Variants in CAP1 observed in about 807,000 individuals in gnomAD.
The protein encoded by CAP1 is cyclase associated actin cytoskeleton regulatory protein 1.
A neutral mutation model predicts 58.2 loss-of-function variants in CAP1; 11 were observed. That is an observed-to-expected ratio of 0.19 (90% confidence interval 0.12 to 0.31). The LOEUF (loss-of-function observed/expected upper bound fraction) is 0.31. CAP1 is among the 10% of genes least tolerant of loss of function. The pLI, the probability that CAP1 is intolerant of heterozygous loss-of-function variation, is 1.00. For missense variants in CAP1, 423 were observed against 587.5 expected, an observed-to-expected ratio of 0.72 and a Z score of 2.89; for synonymous variants, 183 against 213.8, an observed-to-expected ratio of 0.86 and a Z score of 1.26.
In CAP1 at chr1:40,060,097, A is replaced by C. The variant is rs1326418327; in HGVS notation, c.143A>C (p.Asp48Ala). 3 of 1,613,676 alleles carry C rather than the reference A, an allele frequency of 1.9e-6. No homozygotes were observed. The highest frequency in any genetic ancestry group is 2.5e-6 in the Non-Finnish European group (3 of 1,179,840). ...AGAAPYVQAFDSLLAGPVAEY... is the reference protein window; with the variant it reads ...AGAAPYVQAFASLLAGPVAEY... ...GCAGCTCCATATGTGCAGGCATTTG[A>C]CTCGCTGCTTGCTGGTCCTGTGGCA... is the stretch of plus-strand genomic sequence containing the variant. The change falls in exon 3 of 13, where the codon GAC (aspartate) becomes GCC (alanine). Residue 48 changes from aspartate (D) to alanine (A), a missense_variant. Asp to Ala is a moderately radical substitution (Grantham distance 126). Transcript: ENST00000372805.
At chr1:40,064,096 A>C (rs1376985208) in intron 4 of CAP1, 131 bp from the exon 5 acceptor site, 6 of 776,166 alleles carry the variant, frequency 7.7e-6, no homozygotes, top group Non-Finnish European at 1.3e-5. Context: ...CTTAGGAATC[A>C]GGACAGGACT....
chr1:40,054,764 C>T (rs1183959843), intron 1 of CAP1, among the ~76,000 whole-genome samples: 3 of 152,220 alleles, frequency 2.0e-5, no homozygotes, highest in Admixed American at 6.5e-5. Flanking sequence ...GCTTCAGCCA[C>T]TGTAGTAGCT....
intron 4 of CAP1, among the ~76,000 whole-genome samples, chr1:40,062,375 A>T (rs2124370798): frequency 6.6e-6 from 1 of 152,318 alleles, no homozygotes; most frequent in African/African-American, 2.4e-5. Flanking sequence ...TAATAAAGCA[A>T]GTTGTCCTAA....
In CAP1 at chr1:40,067,588, G is replaced by A. The variant is rs776071701; in HGVS notation, c.679G>A (p.Gly227Arg). 15 of 1,609,496 alleles carry A rather than the reference G, an allele frequency of 9.3e-6. No individual in the cohort carries two copies. The highest frequency in any genetic ancestry group is 3.4e-5 in the Admixed American group (2 of 59,242). ...LSGLPSGPSAGSCPPPPPPCP... is the reference protein window; with the variant it reads ...LSGLPSGPSARSCPPPPPPCP... ...CGGACTGCCATCTGGACCCTCTGCC[G>A]GATCATGTCCTCCTCCCCCTCCACC... The change falls in exon 8 of 13, where the codon GGA (glycine) becomes AGA (arginine). Residue 227 changes from glycine to arginine, a missense_variant. Gly to Arg is a moderately radical substitution (Grantham distance 125). Transcript: ENST00000372805.
intron 3 of CAP1, among the ~76,000 whole-genome samples, chr1:40,060,846 A>G (rs1646818917): frequency 6.6e-6 from 1 of 152,194 alleles, no homozygotes; most frequent in South Asian, 2.1e-4. Context: ...CCTCTCAAAT[A>G]CCATCTGTTG....
At chr1:40,059,032 T>TTTTTTTTTTTTTTG (rs1553163419) in intron 1 of CAP1, among the ~76,000 whole-genome samples, 37 of 152,082 alleles carry the variant, frequency 2.4e-4, no homozygotes, top group African/African-American at 8.9e-4. Flanking sequence ...TCTAACTTTC[T>TTTTTTTTTTTTTTG]ACACACAGTA....
chr1:40,050,682 A>C (rs1646321883), intron 1 of CAP1, among the ~76,000 whole-genome samples: 1 of 152,044 alleles, frequency 6.6e-6, no homozygotes, highest in African/African-American at 2.4e-5. Flanking sequence ...AATAATAAAT[A>C]AATACAAATA....
chr1:40,051,399 C>G (rs112660230), intron 1 of CAP1, among the ~76,000 whole-genome samples: 1 of 115,744 alleles, frequency 8.6e-6, no homozygotes, highest in Non-Finnish European at 1.8e-5. Flanking sequence ...CACACATACA[C>G]ACACACACAC....
chr1:40,069,457 C>T (rs1647377916), intron 8 of CAP1: 1 of 459,664 alleles, frequency 2.2e-6, no homozygotes, highest in African/African-American at 2.1e-5. Flanking sequence ...TTTACATATC[C>T]TTATCCTCAC....
At chr1:40,068,974 A>G (rs1647286594) in intron 8 of CAP1, among the ~76,000 whole-genome samples, 1 of 152,042 alleles carries the variant, frequency 6.6e-6, no homozygotes, top group African/African-American at 2.4e-5. Context: ...CTGGGACTAC[A>G]GCACCTGCCA....
At position 40,072,301 on chromosome 1, in the gene CAP1, C is replaced by T. The variant is rs1648214872; in HGVS notation, c.*768C>T. The T allele has an allele frequency of 2.7e-6, 1 of 376,304 alleles. No individual in the cohort carries two copies. The highest frequency in any genetic ancestry group is 1.5e-4 in the South Asian group (1 of 6,834). The allele number at this position is 376,304 out of a possible 1,614,324, so 23.3% of individuals were successfully genotyped here. On this transcript the variant is annotated 3_prime_UTR_variant, in exon 13 of 13. Transcript: ENST00000372805. ...CATGATTTCAAGGAGTCTGGCATTC[C>T]TGAATCCTTCTTCCCTGCCAGGTGC...
intron 1 of CAP1, among the ~76,000 whole-genome samples, chr1:40,043,874 C>CA (rs11396688): frequency 0.66 from 97,991 of 147,848 alleles, 32,889 homozygotes; most frequent in Non-Finnish European, 0.74. Flanking sequence ...GACTCTGTCT[C>CA]AAAAAAAAAA....
chr1:40,056,418 C>T (rs574582473), intron 1 of CAP1, among the ~76,000 whole-genome samples: 1 of 152,004 alleles, frequency 6.6e-6, no homozygotes, highest in East Asian at 1.9e-4. Context: ...ACCTCAGCCT[C>T]CTGGGTAGCT....
At chr1:40,054,744 C>T (rs996264379) in intron 1 of CAP1, among the ~76,000 whole-genome samples, 3 of 152,164 alleles carry the variant, frequency 2.0e-5, no homozygotes, top group Non-Finnish European at 2.9e-5. Flanking sequence ...CAGGTTCAAG[C>T]CATTCTTGTG....
intron 1 of CAP1, among the ~76,000 whole-genome samples, chr1:40,046,880 C>T (rs1393756600): frequency 2.0e-5 from 3 of 151,272 alleles, no homozygotes; most frequent in Non-Finnish European, 4.4e-5. Flanking sequence ...TCAAGCAATT[C>T]TTCTGCCTCA....
intron 8 of CAP1, chr1:40,069,473 A>G (rs1426832205): frequency 9.3e-6 from 5 of 539,796 alleles, no homozygotes; most frequent in African/African-American, 7.9e-5. Flanking sequence ...CTCACCCACA[A>G]TATACACACA....
intron 1 of CAP1, among the ~76,000 whole-genome samples, chr1:40,042,162 C>G (rs1259141242): frequency 6.6e-6 from 1 of 152,202 alleles, no homozygotes; most frequent in Non-Finnish European, 1.5e-5. Flanking sequence ...CGGGCATGAT[C>G]CACCGTGCCC....
In CAP1 at chr1:40,069,890, C is replaced by A. The variant is rs201057661; in HGVS notation, c.993+16C>A. ...GTGGAGAGTGGTGAGTTAAAAATACCTAGACAGGGGCAGGTATTTTTATTA... is the reference window on the plus strand; with the variant it reads ...GTGGAGAGTGGTGAGTTAAAAATACATAGACAGGGGCAGGTATTTTTATTA... On this transcript the variant is annotated intron_variant, in intron 9 of 12. Coordinates refer to ENST00000372805, the MANE Select transcript of CAP1 (RefSeq NM_006367.4). The A allele has an allele frequency of 3.2e-4, 495 of 1,531,804 alleles. No individual in the cohort carries two copies. The highest frequency in any genetic ancestry group is 3.9e-4 in the Non-Finnish European group (446 of 1,142,564). 94.9% of individuals were successfully genotyped at this position (1,531,804 alleles called of 1,614,324 possible).
At chr1:40,068,487 A>G (rs1647220135) in intron 8 of CAP1, among the ~76,000 whole-genome samples, 2 of 151,536 alleles carry the variant, frequency 1.3e-5, no homozygotes, top group African/African-American at 4.9e-5. Context: ...CATGTTGGTC[A>G]GCCTGGTCTC....
Sources: gnomAD v4.1 joint callset for allele counts (sites outside exome capture counted in the v4.1 genomes callset) on GRCh38, gnomAD v4.1.1 for gene constraint, MANE v1.5 for transcripts, NCBI Gene and HGNC (gene_info 2026-07-23, HGNC 2026-07-21) for gene names.